CACHD1: variants seen among roughly 807,000 people sequenced by gnomAD.
CACHD1 encodes the protein cache domain containing 1.
A neutral mutation model predicts 138.7 loss-of-function variants in CACHD1; 71 were observed. The observed-to-expected ratio is 0.51, with a 90% CI of 0.42 to 0.62. The LOEUF (loss-of-function observed/expected upper bound fraction) is 0.62. Ranked by LOEUF, CACHD1 falls within the 20% of genes least tolerant of loss-of-function variation. The pLI is 0.00. For synonymous variants in CACHD1, 578 were observed against 591.5 expected (o/e 0.98, Z 0.33); for missense variants, 1,389 against 1,625.3 (o/e 0.85, Z 2.50).
chr1:64,619,771 A>G (rs1245272497), intron 4 of CACHD1, among the ~76,000 whole-genome samples: 2 of 152,166 alleles, frequency 1.3e-5, no homozygotes, highest in East Asian at 3.8e-4. Flanking sequence ...TCAGGACTCA[A>G]TAAATATTTG....
chr1:64,660,552 G>A (rs1649408080), intron 13 of CACHD1, among the ~76,000 whole-genome samples: 2 of 150,998 alleles, frequency 1.3e-5, no homozygotes, highest in Non-Finnish European at 2.9e-5. Context: ...TACTTTGACA[G>A]GGAGTTTTGC....
intron 1 of CACHD1, among the ~76,000 whole-genome samples, chr1:64,547,665 C>T (rs1291027265): frequency 2.0e-5 from 3 of 152,306 alleles, no homozygotes; most frequent in South Asian, 4.1e-4. Context: ...CCGCACCCAG[C>T]CTAAGCCTGA....
Position 64,673,365 on chromosome 1 carries a change from T to C in CACHD1, c.2628T>C (p.Asn876=). The C allele has an allele frequency of 6.2e-7, 1 of 1,614,120 alleles. No individual in the cohort carries two copies. The highest frequency in any genetic ancestry group is 8.5e-7 in the Non-Finnish European group (1 of 1,179,994). ...HITHKEPLVA[N]DILNHPNFVK... is the part of the protein sequence containing the mutation. ...CTTGGTAGGAGCCCCTGGTAGCAAA[T>C]GATATCCTCAACCACCCCAACTTTG... Residue 876 remains asparagine, a synonymous_variant, in exon 19 of 27, where the codon AAT becomes AAC. Coordinates refer to ENST00000651257, the MANE Select transcript of CACHD1 (RefSeq NM_020925.4).
At chr1:64,606,371 G>C (rs1460474277) in intron 4 of CACHD1, among the ~76,000 whole-genome samples, 1 of 152,126 alleles carries the variant, frequency 6.6e-6, no homozygotes, top group Non-Finnish European at 1.5e-5. Context: ...AGCATATCTG[G>C]GGCAAAGACC....
At chr1:64,646,281 G>A (rs1435157709) in intron 8 of CACHD1, among the ~76,000 whole-genome samples, 1 of 152,108 alleles carries the variant, frequency 6.6e-6, no homozygotes, top group African/African-American at 2.4e-5. Context: ...TTTTACTCTG[G>A]AGTGTACCCC....
At chr1:64,622,166 C>T (rs1050491989) in intron 4 of CACHD1, among the ~76,000 whole-genome samples, 2 of 152,210 alleles carry the variant, frequency 1.3e-5, no homozygotes, top group African/African-American at 4.8e-5. Flanking sequence ...GCTCATGTCT[C>T]TAACCTGTTG....
chr1:64,686,594 A>G (rs867904905), intron 26 of CACHD1, among the ~76,000 whole-genome samples: 13 of 152,192 alleles, frequency 8.5e-5, no homozygotes, highest in South Asian at 2.1e-4. Context: ...GTTTTCAACT[A>G]TCTATCTGCT....
At chr1:64,554,068 G>C (rs1281625540) in intron 2 of CACHD1, among the ~76,000 whole-genome samples, 1 of 152,158 alleles carries the variant, frequency 6.6e-6, no homozygotes, top group Non-Finnish European at 1.5e-5. Flanking sequence ...TTCTCGCTCT[G>C]TTGCCCAGGC....
chr1:64,629,500 T>A lies in CACHD1; in HGVS notation c.644+19T>A. The stretch of plus-strand genomic sequence containing the variant: ...GCAGTAGGTATGTTGACTTGCATGC[T>A]AAAGTTTTTAATTATTGCTTAAGAG... On this transcript the variant is annotated intron_variant, in intron 5 of 26. Transcript: ENST00000651257. 6.2e-7 allele frequency: 1 copy of A among 1,610,132 alleles called. No homozygotes were observed. Among genetic ancestry groups the A allele is most frequent in the Non-Finnish European group, 8.5e-7 (1 of 1,178,452 alleles).
In CACHD1 at chr1:64,471,627, T is replaced by C. The variant is rs541560527; in HGVS notation, c.198+685T>C. ...CGACTCTAATCCTGCTGGGGGACTC[T>C]TTTTGTTGCTTTCCGCATATCCTGC... On this transcript the variant is annotated intron_variant, in intron 1 of 26. Coordinates refer to ENST00000651257, the MANE Select transcript of CACHD1 (RefSeq NM_020925.4). Among the ~76,000 whole-genome samples the C allele has an allele frequency of 1.5e-4, 23 of 152,356 alleles. No homozygotes were observed. The East Asian group carries it at 4.0e-3, about 27-fold the overall frequency.
At chr1:64,580,676 C>T (rs1307464064) in intron 2 of CACHD1, among the ~76,000 whole-genome samples, 1 of 152,168 alleles carries the variant, frequency 6.6e-6, no homozygotes, top group African/African-American at 2.4e-5. Context: ...TTCAAGGTTT[C>T]TCATCTGGGC....
chr1:64,638,265 A>G (rs1648588851), intron 7 of CACHD1, among the ~76,000 whole-genome samples: 1 of 152,204 alleles, frequency 6.6e-6, no homozygotes, highest in Non-Finnish European at 1.5e-5. Context: ...TTTAATGTCT[A>G]CTGTATATCT....
chr1:64,496,514 G>C (rs1182551840), intron 1 of CACHD1, among the ~76,000 whole-genome samples: 2 of 152,044 alleles, frequency 1.3e-5, no homozygotes, highest in Non-Finnish European at 2.9e-5. Flanking sequence ...AGGATTATTT[G>C]CTGACTCAAA....
At position 64,550,604 on chromosome 1, in the gene CACHD1, A is replaced by C. The variant is rs750925053; in HGVS notation, c.209A>C (p.Asn70Thr). The C allele has an allele frequency of 4.3e-6, 7 of 1,611,318 alleles. No homozygotes were observed. Among genetic ancestry groups the C allele is most frequent in the Non-Finnish European group, 5.9e-6 (7 of 1,177,886 alleles). Reference protein sequence around the residue: ...LGVVTMQRIFNSFVYTEKISN... With the variant: ...LGVVTMQRIFTSFVYTEKISN... ...TTCTTTTCATTGCAGCGGATATTCA[A>C]CTCCTTTGTTTACACTGAGAAAATC... Residue 70 changes from asparagine to threonine, a missense_variant, in exon 2 of 27, where the codon AAC becomes ACC. This residue lies in a region of CACHD1 where 1,000 missense variants were observed against 1,114.7 expected (regional missense o/e 0.90). Transcript: ENST00000651257.
At chr1:64,550,480 A>G in intron 1 of CACHD1, 114 bp from the exon 2 acceptor site, 1 of 708,808 alleles carries the variant, frequency 1.4e-6, no homozygotes. Flanking sequence ...CTGCATTTTA[A>G]TTAAATTTTT....
chr1:64,597,524 G>GTTTTTTTTTTTTTTT (rs34162933), intron 3 of CACHD1, among the ~76,000 whole-genome samples: 1 of 80,404 alleles, frequency 1.2e-5, no homozygotes, highest in African/African-American at 4.7e-5. Flanking sequence ...TTTTTTTGTT[G>GTTTTTTTTTTTTTTT]TTTTTTTTTT....
rs182545219 is a variant in CACHD1 at position 64,682,070 on chromosome 1, C to A, written c.3550C>A (p.Arg1184Ser). Residue 1184 changes from arginine (R) to serine (S), a missense_variant, in exon 26 of 27, where the codon CGC (arginine) becomes AGC (serine). Arg to Ser is a moderately radical substitution (Grantham distance 110, BLOSUM62 -1). This residue lies in a region of CACHD1 where 250 missense variants were observed against 292.9 expected (regional missense o/e 0.85). Transcript: ENST00000651257. ...TGCACACAGTCCAGAAAGAAGGCGC[C>A]GCTACTGGGGTCGATCAGGAACAGA... is the stretch of plus-strand genomic sequence containing the variant. ...RHAHSPERRR[R>S]YWGRSGTESD... 6.2e-7 allele frequency: 1 copy of A among 1,614,052 alleles called. No individual in the cohort carries two copies. Among genetic ancestry groups the A allele is most frequent in the South Asian group, 1.1e-5 (1 of 91,066 alleles).
chr1:64,669,078 A>G (rs1364810815), intron 16 of CACHD1, among the ~76,000 whole-genome samples: 2 of 151,146 alleles, frequency 1.3e-5, no homozygotes, highest in Non-Finnish European at 2.9e-5. Context: ...GATTATTTTT[A>G]AAGATTAAAT....
intron 16 of CACHD1, among the ~76,000 whole-genome samples, chr1:64,668,711 T>C (rs1028283077): frequency 3.3e-5 from 5 of 152,210 alleles, no homozygotes; most frequent in Non-Finnish European, 4.4e-5. Context: ...CAATATGAAA[T>C]CCCACGCACC....
Sources: gnomAD v4.1 joint callset for allele counts (sites outside exome capture counted in the v4.1 genomes callset) on GRCh38, gnomAD v4.1.1 for gene constraint, gnomAD v4.1.1 regional missense constraint, MANE v1.5 for transcripts, NCBI Gene and HGNC (gene_info 2026-07-23, HGNC 2026-07-21) for gene names.